The following CACNA1B variants were observed in gnomAD, a reference collection of about 807,000 sequenced individuals.
The protein encoded by CACNA1B is voltage-dependent N-type calcium channel subunit alpha-1B.
Under a neutral mutation model 247.2 loss-of-function variants are expected in CACNA1B, and 70 were observed. The ratio of observed to expected loss-of-function variants is 0.28; its 90% confidence interval spans 0.23 to 0.35. CACNA1B has a LOEUF of 0.35. Among genes scored for constraint, CACNA1B ranks in the 10% least tolerant of loss-of-function variants. CACNA1B has a pLI of 1.00. For synonymous variants in CACNA1B, 1,231 were observed against 1,294.4 expected (o/e 0.95, Z 1.05); for missense variants, 2,367 against 3,197.4 (o/e 0.74, Z 6.26).
chr9:137,961,335 T>G (rs1958019185), intron 10 of CACNA1B, among the ~76,000 whole-genome samples: 1 of 152,190 alleles, frequency 6.6e-6, no homozygotes, highest in Non-Finnish European at 1.5e-5. Flanking sequence ...ATGGTTTGAC[T>G]TCCCTTTCTA....
chr9:137,878,241 CGGGGCCGGGCGGGGACCGGGGTG>C (rs1254304707), intron 1 of CACNA1B, 24 bp downstream of exon 1: 3 of 261,314 alleles, frequency 1.1e-5, no homozygotes, highest in Non-Finnish European at 1.8e-5. Flanking sequence ...CGGGGCCGGG[CGGGGCCGGGCGGGGACCGGGGTG>C]GGGGCCGGGG....
intron 11 of CACNA1B, among the ~76,000 whole-genome samples, chr9:137,975,169 C>T (rs1026377848): frequency 1.3e-5 from 2 of 152,106 alleles, no homozygotes; most frequent in Non-Finnish European, 2.9e-5. Context: ...GCATGGCCTC[C>T]CTCAGTACTG....
intron 15 of CACNA1B, among the ~76,000 whole-genome samples, chr9:137,998,234 C>T (rs1958522112): frequency 6.6e-6 from 1 of 152,112 alleles, no homozygotes; most frequent in South Asian, 2.1e-4. Flanking sequence ...TTATTCATTG[C>T]ATCTTTCGGA....
In CACNA1B at chr9:138,102,232, C is replaced by G. The variant is rs184214665; in HGVS notation, c.5223-479C>G. Among the ~76,000 whole-genome samples the G allele has an allele frequency of 6.6e-6, 1 of 152,184 alleles. No individual in the cohort carries two copies. The highest frequency in any genetic ancestry group is 1.9e-4 in the East Asian group (1 of 5,192). ...AGCCTCACTTGGAAGCAAATCTGAC[C>G]GTGAGGAAAGCTGATGTCTCTGCCG... On this transcript the variant is annotated intron_variant, in intron 37 of 46. Coordinates refer to ENST00000371372, the MANE Select transcript of CACNA1B (RefSeq NM_000718.4). The surrounding 1 kb of genome is among the most constrained non-coding windows in gnomAD (Gnocchi z 5.4).
At chr9:137,915,640 C>A (rs1454540209) in intron 5 of CACNA1B, among the ~76,000 whole-genome samples, 1 of 151,778 alleles carries the variant, frequency 6.6e-6, no homozygotes, top group Non-Finnish European at 1.5e-5. Flanking sequence ...AAAACAAAAA[C>A]CTTTAATCCA....
At chr9:138,115,408 G>A (rs374661220) in intron 41 of CACNA1B, 144 bp from the exon 42 acceptor site, 27 of 762,648 alleles carry the variant, frequency 3.5e-5, no homozygotes, top group South Asian at 2.1e-4. Flanking sequence ...GAAAGTAAGC[G>A]GCCCCTTGCT....
chr9:137,908,922 C>T (rs764187369), intron 3 of CACNA1B, among the ~76,000 whole-genome samples: 23 of 152,084 alleles, frequency 1.5e-4, no homozygotes, highest in Non-Finnish European at 2.8e-4. Flanking sequence ...TGAGCCACCA[C>T]ACCTGGCTAA....
chr9:137,887,926 A>G (rs2133233849), intron 3 of CACNA1B, among the ~76,000 whole-genome samples: 1 of 144,318 alleles, frequency 6.9e-6, no homozygotes, highest in African/African-American at 2.6e-5. Flanking sequence ...GTTGCAGGGC[A>G]GTCGGGGTGT....
At chr9:137,994,310 CCA>C (rs1350472549) in intron 15 of CACNA1B, among the ~76,000 whole-genome samples, 6 of 152,206 alleles carry the variant, frequency 3.9e-5, no homozygotes, top group Non-Finnish European at 7.3e-5. Flanking sequence ...CCCACTGTCA[CCA>C]CTCTCTTCAG....
At chr9:138,024,718 T>A (rs1958899125) in intron 19 of CACNA1B, among the ~76,000 whole-genome samples, 1 of 152,116 alleles carries the variant, frequency 6.6e-6, no homozygotes, top group Non-Finnish European at 1.5e-5. Context: ...AGCCTCAACT[T>A]CCCGGGCTGA....
chr9:137,892,890 C>T (rs924316339), intron 3 of CACNA1B, among the ~76,000 whole-genome samples: 14 of 152,320 alleles, frequency 9.2e-5, no homozygotes, highest in South Asian at 6.2e-4. Flanking sequence ...GTGGGGTGGC[C>T]GCCGTGTTTC....
chr9:138,057,260 T>C lies in CACNA1B; in HGVS notation c.3969-472T>C, dbSNP rs1959544350. 6.6e-6 allele frequency among the ~76,000 whole-genome samples: 1 copy of C among 152,212 alleles called. No individual in the cohort carries two copies. On this transcript the variant is annotated intron_variant, in intron 26 of 46. Transcript: ENST00000371372. This position sits in a 1 kb window ranked among gnomAD's most constrained non-coding sequence, Gnocchi z 4.0. ...CCTTTTTTATTTATTAGAATAGTTATTTACATATTCTAAATACAACTCCCT... is the reference window on the plus strand; with the variant it reads ...CCTTTTTTATTTATTAGAATAGTTACTTACATATTCTAAATACAACTCCCT...
chr9:137,921,765 G>A (rs554249127), intron 6 of CACNA1B, among the ~76,000 whole-genome samples: 8 of 126,426 alleles, frequency 6.3e-5, no homozygotes, highest in African/African-American at 2.5e-4. Flanking sequence ...GATCAGTACC[G>A]CGATCACACA....
rs1958151567 is a variant in CACNA1B, at chr9:137,971,655, C to A, written c.1543+63C>A. On this transcript the variant is annotated intron_variant, in intron 11 of 46. Coordinates refer to ENST00000371372, the MANE Select transcript of CACNA1B (RefSeq NM_000718.4). The surrounding 1 kb of genome is among the most constrained non-coding windows in gnomAD (Gnocchi z 4.4). ...CATCTCTGCTCTCAGTCTGGAAACC[C>A]TGGTCCATGCCCTGGGGCTACCCCA... 3.5e-6 allele frequency: 5 copies of A among 1,412,678 alleles called. No individual in the cohort carries two copies. The Admixed American group carries it at 7.6e-5, about 21-fold the overall frequency. The allele number at this position is 1,412,678 out of a possible 1,614,324, so 87.5% of individuals were successfully genotyped here.
chr9:138,118,570 C>G, intron 43 of CACNA1B, 82 bp from the exon 44 acceptor site: 3 of 679,962 alleles, frequency 4.4e-6, no homozygotes, highest in Non-Finnish European at 7.7e-6. Flanking sequence ...GACCCCAGTG[C>G]CTCATGGAGT....
At chr9:137,960,584 G>A (rs1958009599) in intron 10 of CACNA1B, among the ~76,000 whole-genome samples, 1 of 151,930 alleles carries the variant, frequency 6.6e-6, no homozygotes. Flanking sequence ...GGACCTCTGG[G>A]AAAGGACATT....
At chr9:138,037,834 A>T (rs1959066117) in intron 20 of CACNA1B, among the ~76,000 whole-genome samples, 1 of 152,214 alleles carries the variant, frequency 6.6e-6, no homozygotes, top group South Asian at 2.1e-4. Flanking sequence ...GCCATTGTGA[A>T]GTTCTCCACT....
At chr9:138,037,751 G>C (rs993721224) in intron 20 of CACNA1B, among the ~76,000 whole-genome samples, 12 of 152,054 alleles carry the variant, frequency 7.9e-5, no homozygotes, top group African/African-American at 2.9e-4. Context: ...CTGCCATATG[G>C]TATCAGGAGC....
At chr9:137,885,306 C>T (rs1190060519) in intron 3 of CACNA1B, among the ~76,000 whole-genome samples, 1 of 152,060 alleles carries the variant, frequency 6.6e-6, no homozygotes, top group Non-Finnish European at 1.5e-5. Context: ...CCTGGGGACA[C>T]GTGAACCCCT....
Sources: allele counts gnomAD v4.1 joint callset (sites outside exome capture counted in the v4.1 genomes callset), GRCh38; gene constraint gnomAD v4.1.1; non-coding constraint Gnocchi (gnomAD v3.1); transcripts MANE v1.5; gene names NCBI Gene and HGNC (gene_info 2026-07-23, HGNC 2026-07-21).